POLR2B: variants seen among roughly 807,000 people sequenced by gnomAD.
POLR2B encodes RNA polymerase II subunit B, also known as DNA-directed RNA polymerase II subunit RPB2.
Under a neutral mutation model 144.6 loss-of-function variants are expected in POLR2B, and 57 were observed. That is an observed-to-expected ratio of 0.39 (90% confidence interval 0.32 to 0.49). The LOEUF is 0.49. POLR2B is among the 20% of genes least tolerant of loss of function. The probability of loss-of-function intolerance (pLI) is 0.83; values close to 1 mark genes in which losing one functional copy is unlikely to be tolerated. For synonymous variants in POLR2B, 442 were observed against 469.8 expected, an observed-to-expected ratio of 0.94 and a Z score of 0.77; for missense variants, 595 against 1,467.4, an observed-to-expected ratio of 0.41 and a Z score of 9.71.
chr4:57,008,351 C>T (rs964609124), intron 10 of POLR2B, among the ~76,000 whole-genome samples: 17 of 152,012 alleles, frequency 1.1e-4, no homozygotes, highest in African/African-American at 1.9e-4. Flanking sequence ...TACAGGCGCC[C>T]GCCACCACGC....
At chr4:56,989,610 G>A (rs1384343692) in intron 2 of POLR2B, among the ~76,000 whole-genome samples, 1 of 152,248 alleles carries the variant, frequency 6.6e-6, no homozygotes, top group Non-Finnish European at 1.5e-5. Flanking sequence ...GAAAATTGAT[G>A]TGAAGATGGG....
chr4:57,008,448 C>T (rs994777342), intron 10 of POLR2B, among the ~76,000 whole-genome samples: 19 of 152,258 alleles, frequency 1.2e-4, no homozygotes, highest in Admixed American at 9.8e-4. Flanking sequence ...GTGATCTGCC[C>T]GCCTCGGCCT....
chr4:56,993,016 A>G (rs931484082), intron 3 of POLR2B, among the ~76,000 whole-genome samples: 1 of 152,052 alleles, frequency 6.6e-6, no homozygotes, highest in South Asian at 2.1e-4. Flanking sequence ...GAAAGAGGCT[A>G]GAGGAGGCCA....
chr4:56,984,301 A>T (rs1578554230), intron 1 of POLR2B, among the ~76,000 whole-genome samples: 1 of 147,022 alleles, frequency 6.8e-6, no homozygotes, highest in African/African-American at 2.5e-5. Flanking sequence ...TTTTTCTCCC[A>T]CCCATTTGTT....
chr4:57,012,934 G>A (rs1723240754), intron 13 of POLR2B, among the ~76,000 whole-genome samples: 1 of 151,656 alleles, frequency 6.6e-6, no homozygotes, highest in African/African-American at 2.4e-5. Context: ...TCTGCCTCCC[G>A]GGTTCAAGCA....
intron 13 of POLR2B, among the ~76,000 whole-genome samples, chr4:57,013,768 A>G (rs1317124123): frequency 6.6e-6 from 1 of 152,096 alleles, no homozygotes; most frequent in Admixed American, 6.6e-5. Context: ...CCAATCGTAG[A>G]TAATACATAA....
chr4:56,986,662 G>A (rs1022658431), intron 2 of POLR2B: 20 of 299,980 alleles, frequency 6.7e-5, no homozygotes, highest in Non-Finnish European at 9.6e-5. Context: ...TTCTCTTTTT[G>A]TATATATATA....
At chr4:57,014,434 A>G (rs985038014) in intron 13 of POLR2B, among the ~76,000 whole-genome samples, 2 of 151,408 alleles carry the variant, frequency 1.3e-5, no homozygotes, top group African/African-American at 4.9e-5. Context: ...CCTCAAGGTG[A>G]TCTGCCCACC....
intron 14 of POLR2B, among the ~76,000 whole-genome samples, chr4:57,015,915 C>T (rs1010113976): frequency 6.6e-6 from 1 of 152,088 alleles, no homozygotes; most frequent in African/African-American, 2.4e-5. Context: ...TGTGCCACCA[C>T]ACCCAGCTAA....
At chr4:56,997,455 C>G (rs952374477) in intron 6 of POLR2B, among the ~76,000 whole-genome samples, 2 of 152,132 alleles carry the variant, frequency 1.3e-5, no homozygotes, top group African/African-American at 4.8e-5. Flanking sequence ...CAGGGTTTCA[C>G]TATGTTGCCT....
chr4:57,019,397 G>T (rs1723467965), intron 16 of POLR2B, among the ~76,000 whole-genome samples: 1 of 151,542 alleles, frequency 6.6e-6, no homozygotes, highest in Non-Finnish European at 1.5e-5. Flanking sequence ...GTAGAGATAG[G>T]GTCTACTTTG....
chr4:57,022,930 T>C (rs1723598475), intron 18 of POLR2B, among the ~76,000 whole-genome samples: 1 of 152,176 alleles, frequency 6.6e-6, no homozygotes, highest in African/African-American at 2.4e-5. Context: ...ACAATTTCTG[T>C]GGGAGGATGT....
At chr4:56,979,355 C>A (rs1319815560) in intron 1 of POLR2B, among the ~76,000 whole-genome samples, 3 of 147,036 alleles carry the variant, frequency 2.0e-5, no homozygotes, top group Non-Finnish European at 3.0e-5. Context: ...AAGCCACAGT[C>A]GACTTAACGA....
chr4:57,008,179 A>G (rs934776914), intron 10 of POLR2B, among the ~76,000 whole-genome samples: 3 of 150,330 alleles, frequency 2.0e-5, no homozygotes, highest in Non-Finnish European at 4.4e-5. Flanking sequence ...GACAAATGCC[A>G]CATTGCAAAT....
At position 56,994,880 on chromosome 4, in the gene POLR2B, A is replaced by T. The variant is rs7659855; in HGVS notation, c.576+14A>T. Reference sequence around the variant, plus strand: ...GGATCAGAAAAGGTATAGTAACATTATTTTAAAAAATTACAAAATGGTAGT... The same window carrying T: ...GGATCAGAAAAGGTATAGTAACATTTTTTTAAAAAATTACAAAATGGTAGT... On this transcript the variant is annotated intron_variant, in intron 5 of 24. Transcript: ENST00000314595. The T allele has an allele frequency of 7.4e-7, 1 of 1,356,176 alleles. No homozygotes were observed. Among genetic ancestry groups the T allele is most frequent in the Non-Finnish European group, 1.0e-6 (1 of 979,634 alleles). The allele number at this position is 1,356,176 out of a possible 1,614,324, so 84.0% of individuals were successfully genotyped here. A position where few individuals can be genotyped will look rare whatever the true frequency, so the allele number is the denominator to read the frequency against.
chr4:57,000,636 A>G (rs917556325), intron 7 of POLR2B, among the ~76,000 whole-genome samples: 4 of 152,186 alleles, frequency 2.6e-5, no homozygotes, highest in Non-Finnish European at 5.9e-5. Flanking sequence ...GAATCAGTAC[A>G]TTCACTTAAA....
Position 56,978,903 on chromosome 4 carries a change from C to T in POLR2B, c.-83C>T, listed in dbSNP as rs1722061153. 3.7e-6 allele frequency: 5 copies of T among 1,346,086 alleles called. No individual in the cohort carries two copies. Among genetic ancestry groups the T allele is most frequent in the Admixed American group, 1.7e-5 (1 of 59,678 alleles). The allele number at this position is 1,346,086 out of a possible 1,614,324, so 83.4% of individuals were successfully genotyped here. Reference sequence around the variant, plus strand: ...ACGTCGGAGACGGAAGTTACTTCGTCTTTAGCTCCTGGCGCTGCTGGCTTC... The same window carrying T: ...ACGTCGGAGACGGAAGTTACTTCGTTTTTAGCTCCTGGCGCTGCTGGCTTC... On this transcript the variant is annotated 5_prime_UTR_variant, in exon 1 of 25. Transcript: ENST00000314595.
chr4:57,026,912 A>G (rs955782884), intron 23 of POLR2B, among the ~76,000 whole-genome samples: 2 of 152,224 alleles, frequency 1.3e-5, no homozygotes, highest in African/African-American at 4.8e-5. Context: ...TCTTACATCT[A>G]CTTCTGCATT....
At chr4:57,024,833 TA>T (rs1254586510) in intron 21 of POLR2B, 52 bp from the exon 22 acceptor site, 5 of 867,344 alleles carry the variant, frequency 5.8e-6, no homozygotes, top group Admixed American at 4.5e-5. Flanking sequence ...ATATGACTTT[TA>T]GGGGGAGACA....
Sources: allele counts gnomAD v4.1 joint callset (sites outside exome capture counted in the v4.1 genomes callset), GRCh38; gene constraint gnomAD v4.1.1; transcripts MANE v1.5; gene names NCBI Gene and HGNC (gene_info 2026-07-23, HGNC 2026-07-21).